The following PKHD1 variants were observed in gnomAD, a reference collection of about 807,000 sequenced individuals.
The protein encoded by PKHD1 is PKHD1 ciliary IPT domain containing fibrocystin/polyductin.
Under a neutral mutation model 412.0 loss-of-function variants are expected in PKHD1, and 291 were observed. That is an observed-to-expected ratio of 0.71 (90% CI 0.64 to 0.78). PKHD1 has a LOEUF of 0.78. Ranked by LOEUF, PKHD1 falls within the 30% of genes least tolerant of loss-of-function variation. The pLI is 0.00. For missense variants in PKHD1, 4,825 were observed against 4,950.7 expected (o/e 0.97, Z 0.76); for synonymous variants, 1,777 against 1,821.5 (o/e 0.98, Z 0.62).
chr6:51,639,296 G>T (rs868425956), intron 63 of PKHD1, among the ~76,000 whole-genome samples: 1 of 152,042 alleles, frequency 6.6e-6, no homozygotes, highest in South Asian at 2.1e-4. Context: ...TGGTACTGGG[G>T]TTACAGCCCA....
intron 52 of PKHD1, among the ~76,000 whole-genome samples, chr6:51,807,726 A>G (rs1764066448): frequency 6.6e-6 from 1 of 152,040 alleles, no homozygotes; most frequent in Non-Finnish European, 1.5e-5. Context: ...TGTATTTTAC[A>G]TATGGAGTCT....
intron 52 of PKHD1, among the ~76,000 whole-genome samples, chr6:51,825,595 C>T (rs1365000735): frequency 6.6e-6 from 1 of 152,130 alleles, no homozygotes; most frequent in Non-Finnish European, 1.5e-5. Context: ...CAAGGTGAGC[C>T]TTTCAATGAC....
rs760373515 is a variant in PKHD1 at position 52,050,189 on chromosome 6, C to T, written c.2247G>A (p.Gly749=). The change falls in exon 22 of 67, where the codon GGG becomes GGA. Residue 749 remains glycine (G), a synonymous_variant. Coordinates refer to ENST00000371117, the MANE Select transcript of PKHD1 (RefSeq NM_138694.4). ...PVYSVTSWLA[G]CGTELPLITA... The stretch of plus-strand genomic sequence containing the variant: ...TGATGAGCGGGAGCTCCGTGCCACA[C>T]CCCGCCAGCCAGGAGGTGACACTGT... The T allele has an allele frequency of 2.5e-6, 4 of 1,614,166 alleles. No homozygotes were observed. Among genetic ancestry groups the T allele is most frequent in the Non-Finnish European group, 2.5e-6 (3 of 1,179,998 alleles).
intron 35 of PKHD1, chr6:51,975,729 G>T (rs905633492): frequency 6.6e-6 from 1 of 151,424 alleles, no homozygotes; most frequent in Non-Finnish European, 1.5e-5. Flanking sequence ...GAATCTAGGA[G>T]TTCTGAGCTG....
intron 40 of PKHD1, among the ~76,000 whole-genome samples, chr6:51,906,563 A>G (rs186280297): frequency 4.6e-5 from 7 of 152,258 alleles, no homozygotes; most frequent in Admixed American, 3.9e-4. Flanking sequence ...GTTAGAAAAA[A>G]AAAAACAATC....
rs1326607 is a variant in PKHD1, at chr6:51,753,002, A to G, written c.8950+199T>C. Among the ~76,000 whole-genome samples the G allele has an allele frequency of 0.99, 151,089 of 152,296 alleles. 74,962 individuals are homozygous for G. The highest frequency in any genetic ancestry group is 1 in the Middle Eastern group (294 of 294). ...GGTAAAATGTGCATATGTGCTGACC[A>G]CTAGTATATTATTTTAACATCACAC... On this transcript the variant is annotated intron_variant, in intron 57 of 66. Coordinates refer to ENST00000371117, the MANE Select transcript of PKHD1 (RefSeq NM_138694.4).
rs567506746 is a variant in PKHD1 at position 51,807,485 on chromosome 6, ATG to A, written c.8303-16114_8303-16113del. On this transcript the variant is annotated intron_variant, in intron 52 of 66. Transcript: ENST00000371117. ...TATATATATATATATATATATGTATATGTGTGTGTGTGTGTGTGTGTGTGTGT... is the reference window on the plus strand; with the variant it reads ...TATATATATATATATATATATGTATATGTGTGTGTGTGTGTGTGTGTGTGT... Among the ~76,000 whole-genome samples the A allele has an allele frequency of 7.9e-3, 880 of 111,666 alleles. 17 individuals carry two copies. The highest frequency in any genetic ancestry group is 0.021 in the African/African-American group (552 of 25,762). The allele number at this position is 111,666 out of a possible 152,430, so 73.3% of individuals were successfully genotyped here.
chr6:52,086,348 T>A (rs1441979573), intron 1 of PKHD1, among the ~76,000 whole-genome samples: 1 of 151,998 alleles, frequency 6.6e-6, no homozygotes, highest in African/African-American at 2.4e-5. Flanking sequence ...TGGCCTCAAG[T>A]GATCTCCCTG....
At chr6:51,913,000 A>G (rs1783201774) in intron 37 of PKHD1, among the ~76,000 whole-genome samples, 1 of 152,094 alleles carries the variant, frequency 6.6e-6, no homozygotes, top group Non-Finnish European at 1.5e-5. Context: ...ATTCAATGAA[A>G]TAGTATCTAT....
chr6:51,982,014 G>C (rs1335218230), intron 35 of PKHD1, among the ~76,000 whole-genome samples: 2 of 78,012 alleles, frequency 2.6e-5, no homozygotes, highest in African/African-American at 6.5e-5. Flanking sequence ...CCGCAACCCC[G>C]TCTGGGAGGT....
intron 46 of PKHD1, among the ~76,000 whole-genome samples, chr6:51,881,993 T>A (rs949060878): frequency 6.6e-6 from 1 of 152,204 alleles, no homozygotes; most frequent in South Asian, 2.1e-4. Flanking sequence ...ATAATTTACA[T>A]CTTAATTTTT....
intron 52 of PKHD1, among the ~76,000 whole-genome samples, chr6:51,830,241 T>C (rs1477851060): frequency 1.4e-5 from 2 of 140,332 alleles, no homozygotes; most frequent in East Asian, 3.9e-4. Context: ...TCTGGAACTT[T>C]TGAAAACTCT....
rs149985763 is a variant in PKHD1 at position 51,838,426 on chromosome 6, C to T, written c.8108-1957G>A. Reference sequence around the variant, plus strand: ...AATGATTTTCTTAAACCTCTACACACGCACAAATGGTCCCTACCTCCAGGA... The same window carrying T: ...AATGATTTTCTTAAACCTCTACACATGCACAAATGGTCCCTACCTCCAGGA... On this transcript the variant is annotated intron_variant, in intron 50 of 66. Transcript: ENST00000371117. 3.7e-4 allele frequency among the ~76,000 whole-genome samples: 57 copies of T among 152,270 alleles called. No homozygotes were observed. The East Asian group carries it at 0.01, about 27-fold the overall frequency.
chr6:51,698,694 C>G (rs1779078672), intron 60 of PKHD1, among the ~76,000 whole-genome samples: 1 of 152,106 alleles, frequency 6.6e-6, no homozygotes, highest in African/African-American at 2.4e-5. Context: ...CCTGGTGTAT[C>G]AATATGTATG....
chr6:51,946,812 T>C (rs1370783837), intron 36 of PKHD1, among the ~76,000 whole-genome samples: 5 of 152,258 alleles, frequency 3.3e-5, no homozygotes, highest in Non-Finnish European at 7.3e-5. Context: ...TCTCTTTTGT[T>C]TCTTTTAAAG....
intron 60 of PKHD1, among the ~76,000 whole-genome samples, chr6:51,668,192 T>TC (rs1222514437): frequency 1.3e-5 from 2 of 152,152 alleles, no homozygotes; most frequent in Non-Finnish European, 2.9e-5. Flanking sequence ...GGAATGTTCT[T>TC]CCATTTGTTT....
chr6:51,856,678 A>G (rs1773362020), intron 48 of PKHD1, among the ~76,000 whole-genome samples: 1 of 152,194 alleles, frequency 6.6e-6, no homozygotes, highest in African/African-American at 2.4e-5. Flanking sequence ...CCTTCTCTAG[A>G]ATGATGAGGT....
At chr6:51,883,916 T>A (rs1333668251) in intron 45 of PKHD1, among the ~76,000 whole-genome samples, 1 of 152,212 alleles carries the variant, frequency 6.6e-6, no homozygotes, top group African/African-American at 2.4e-5. Flanking sequence ...TTCTTTGACT[T>A]CTTTGCCCTT....
intron 60 of PKHD1, among the ~76,000 whole-genome samples, chr6:51,740,817 C>A (rs374468236): frequency 1.3e-5 from 2 of 152,224 alleles, no homozygotes; most frequent in Non-Finnish European, 2.9e-5. Flanking sequence ...TTACTATGTG[C>A]TGTCTCTTTC....
Sources: allele counts gnomAD v4.1 joint callset (sites outside exome capture counted in the v4.1 genomes callset), GRCh38; gene constraint gnomAD v4.1.1; transcripts MANE v1.5; gene names NCBI Gene and HGNC (gene_info 2026-07-23, HGNC 2026-07-21).